NGLY1: variants seen among roughly 807,000 people sequenced by gnomAD.
NGLY1 encodes peptide-N(4)-(N-acetyl-beta-glucosaminyl)asparagine amidase.
Under a neutral mutation model 84.6 loss-of-function variants are expected in NGLY1, and 68 were observed. The observed-to-expected ratio is 0.80, with a 90% CI of 0.66 to 0.98. The LOEUF is 0.98. Among genes scored for constraint, NGLY1 ranks in the 50% least tolerant of loss-of-function variants. The pLI is 0.00. For missense variants in NGLY1, 779 were observed against 770.2 expected, an observed-to-expected ratio of 1.01 and a Z score of -0.14; for synonymous variants, 280 against 275.2, an observed-to-expected ratio of 1.02 and a Z score of -0.17.
rs201806398 is a variant in NGLY1, at chr3:25,764,314, G to T, written c.247-3C>A. 6.7e-5 allele frequency: 107 copies of T among 1,604,012 alleles called. No homozygotes were observed. The highest frequency in any genetic ancestry group is 1.8e-5 in the Non-Finnish European group (21 of 1,176,270). On this transcript the variant is annotated splice_region_variant and splice_polypyrimidine_tract_variant and intron_variant, in intron 2 of 11. Transcript: ENST00000280700. ...GGAAAGATGAGATGTGTTTCTCCCT[G>T]GAATTTATAAAATTAAAAAAAATGT...
rs1026628243 is a variant in NGLY1 at position 25,720,026 on chromosome 3, C to T, written c.1777G>A (p.Glu593Lys). The change falls in exon 11 of 12, where the codon GAA becomes AAA. Residue 593 changes from glutamate to lysine, a missense_variant. Transcript: ENST00000280700. ...GGCAAATGCTTACCGCCTGTCAGTT[C>T]TACTTGTGCTGTATCAGATCGCAAT... ...WKLRSDTAQV[E>K]LTGDNSLHSY... The T allele has an allele frequency of 6.2e-7, 1 of 1,611,344 alleles. No homozygotes were observed. The highest frequency in any genetic ancestry group is 1.3e-5 in the African/African-American group (1 of 74,962).
intron 8 of NGLY1, 31 bp from the exon 9 acceptor site, chr3:25,732,514 A>G (rs899066280): frequency 6.3e-7 from 1 of 1,582,700 alleles, no homozygotes; most frequent in African/African-American, 1.4e-5. Flanking sequence ...AAAAGTTGTT[A>G]AGATTAGGGG....
At chr3:25,746,489 C>A (rs1213691768) in intron 4 of NGLY1, among the ~76,000 whole-genome samples, 1 of 152,104 alleles carries the variant, frequency 6.6e-6, no homozygotes, top group African/African-American at 2.4e-5. Context: ...TTCTACAACC[C>A]CTGTATTACC....
Position 25,739,625 on chromosome 3 carries a change from A to G in NGLY1, c.833T>C (p.Val278Ala). The change falls in exon 5 of 12, where the codon GTG (valine) becomes GCG (alanine). Residue 278 changes from valine to alanine, a missense_variant. Val to Ala is a moderately conservative substitution (Grantham distance 64). Transcript: ENST00000280700. ...GCAGGCATCACAGTAATGATCTTCC[A>G]CTTCCTTTGCACCCCACTTCAGCTC... Reference protein sequence around the residue: ...DDELKWGAKEVEDHYCDACQF... With the variant: ...DDELKWGAKEAEDHYCDACQF... The G allele has an allele frequency of 1.2e-6, 2 of 1,614,116 alleles. No homozygotes were observed. Among genetic ancestry groups the G allele is most frequent in the South Asian group, 2.2e-5 (2 of 91,088 alleles).
chr3:25,734,848 CCT>C, intron 7 of NGLY1: 1 of 932,952 alleles, frequency 1.1e-6, no homozygotes, highest in Non-Finnish European at 1.3e-6. Flanking sequence ...CAAAACATTA[CCT>C]TTTTAAAATT....
chr3:25,759,995 T>A (rs1707231543), intron 3 of NGLY1, among the ~76,000 whole-genome samples: 1 of 152,052 alleles, frequency 6.6e-6, no homozygotes, highest in Non-Finnish European at 1.5e-5. Context: ...TATGCAACCC[T>A]TTATTTTGAG....
chr3:25,719,628 A>T lies in NGLY1; in HGVS notation c.1797T>A (p.Ser599Arg), dbSNP rs773753144. The T allele has an allele frequency of 3.1e-6, 5 of 1,612,136 alleles. No homozygotes were observed. In the African/African-American group the frequency reaches 6.7e-5, roughly 22 times the overall value. ...CAGAAAAATCAGCATAGGAGTGAAG[A>T]CTGTTATCTGTTAGAGGGAAAAAAA... ...TAQVELTGDN[S>R]LHSYADFSGA... The change falls in exon 12 of 12, where the codon AGT (serine) becomes AGA (arginine). Residue 599 changes from serine (S) to arginine (R), a missense_variant. Physicochemically the swap from Ser to Arg is moderately radical, Grantham distance 110. Coordinates refer to ENST00000280700, the MANE Select transcript of NGLY1 (RefSeq NM_018297.4).
chr3:25,732,238 C>A, intron 9 of NGLY1, 81 bp downstream of exon 9: 1 of 1,254,028 alleles, frequency 8.0e-7, no homozygotes, highest in South Asian at 1.7e-5. Context: ...ATAGTCAATG[C>A]AGTTGGAGGA....
intron 7 of NGLY1, chr3:25,735,543 C>G (rs1319622508): frequency 6.5e-6 from 1 of 152,986 alleles, no homozygotes; most frequent in African/African-American, 2.4e-5. Context: ...TAAATGTTAG[C>G]AAGGACATGG....
At chr3:25,749,567 G>T in intron 4 of NGLY1, 1 of 1,545,304 alleles carries the variant, frequency 6.5e-7, no homozygotes, top group Non-Finnish European at 8.8e-7. Flanking sequence ...CAGTCTGACT[G>T]ATATGTCAAA....
chr3:25,764,007 C>T, intron 3 of NGLY1, 59 bp downstream of exon 3: 1 of 1,586,456 alleles, frequency 6.3e-7, no homozygotes, highest in African/African-American at 1.3e-5. Context: ...CATTCCAAAG[C>T]TTTTGCTGTT....
intron 6 of NGLY1, 147 bp from the exon 7 acceptor site, chr3:25,736,296 G>A (rs1169140124): frequency 6.4e-7 from 1 of 1,550,822 alleles, no homozygotes; most frequent in Non-Finnish European, 8.7e-7. Context: ...TGGCACACAG[G>A]ATTTTAGAAT....
At chr3:25,728,160 A>C (rs1302745533) in intron 10 of NGLY1, among the ~76,000 whole-genome samples, 1 of 152,158 alleles carries the variant, frequency 6.6e-6, no homozygotes, top group Non-Finnish European at 1.5e-5. Context: ...GAGTATTTCT[A>C]TGTTTAAGCA....
Position 25,774,763 on chromosome 3 carries a change from G to C in NGLY1, c.246+3811C>G, listed in dbSNP as rs144415042. 9.8e-4 allele frequency among the ~76,000 whole-genome samples: 149 copies of C among 152,054 alleles called. 1 individual carries two copies. The East Asian group carries it at 0.026, about 27-fold the overall frequency. On this transcript the variant is annotated intron_variant, in intron 2 of 11. Coordinates refer to ENST00000280700, the MANE Select transcript of NGLY1 (RefSeq NM_018297.4). ...TTTCAGGCTTCACCCCTCTCCGTCTGCCTTGGCTTCTGTGCTTGTATCTGC... is the reference window on the plus strand; with the variant it reads ...TTTCAGGCTTCACCCCTCTCCGTCTCCCTTGGCTTCTGTGCTTGTATCTGC...
intron 8 of NGLY1, 95 bp downstream of exon 8, chr3:25,733,777 T>C: frequency 1.7e-6 from 1 of 588,430 alleles, no homozygotes; most frequent in Non-Finnish European, 2.9e-6. Flanking sequence ...AAAACAATGC[T>C]ACTACTTTAA....
chr3:25,738,788 A>G (rs1705973508), intron 5 of NGLY1, among the ~76,000 whole-genome samples: 1 of 152,090 alleles, frequency 6.6e-6, no homozygotes, highest in African/African-American at 2.4e-5. Context: ...AAACAAGCAC[A>G]TGATTAGAAA....
intron 2 of NGLY1, among the ~76,000 whole-genome samples, chr3:25,776,282 T>C (rs1374304384): frequency 6.6e-6 from 1 of 152,226 alleles, no homozygotes; most frequent in Non-Finnish European, 1.5e-5. Context: ...CTGGAATGGC[T>C]GGCTACCCTA....
chr3:25,740,169 C>T (rs1706059217), intron 4 of NGLY1, among the ~76,000 whole-genome samples: 1 of 152,114 alleles, frequency 6.6e-6, no homozygotes, highest in Non-Finnish European at 1.5e-5. Flanking sequence ...AAATGGGAAA[C>T]ATTGAATTTG....
chr3:25,739,460 G>A (rs1005486419), intron 5 of NGLY1, 117 bp downstream of exon 5: 11 of 1,006,462 alleles, frequency 1.1e-5, no homozygotes, highest in Admixed American at 8.2e-5. Flanking sequence ...TTTGCTCACC[G>A]GTATTTTAGA....
Sources: gnomAD v4.1 joint callset for allele counts (sites outside exome capture counted in the v4.1 genomes callset) on GRCh38, gnomAD v4.1.1 for gene constraint, MANE v1.5 for transcripts, NCBI Gene and HGNC (gene_info 2026-07-23, HGNC 2026-07-21) for gene names.